The following PITPNM3 variants were observed in gnomAD, a reference collection of about 807,000 sequenced individuals.
PITPNM3 encodes the protein membrane-associated phosphatidylinositol transfer protein 3.
A neutral mutation model predicts 102.0 loss-of-function variants in PITPNM3; 26 were observed. That is an observed-to-expected ratio of 0.25 (90% CI 0.19 to 0.35). The LOEUF is 0.35. PITPNM3 is among the 10% of genes least tolerant of loss of function. PITPNM3 has a pLI of 1.00. For missense variants in PITPNM3, 1,083 were observed against 1,346.1 expected, an observed-to-expected ratio of 0.80 and a Z score of 3.06; for synonymous variants, 578 against 558.6, an observed-to-expected ratio of 1.03 and a Z score of -0.49.
intron 19 of PITPNM3, among the ~76,000 whole-genome samples, 163 bp from the exon 20 acceptor site, chr17:6,455,806 C>T (rs1274820326): frequency 2.6e-5 from 2 of 75,526 alleles, no homozygotes; most frequent in Non-Finnish European, 5.4e-5. Flanking sequence ...AGGCATCAGG[C>T]GGAGGGGTGG....
intron 1 of PITPNM3, among the ~76,000 whole-genome samples, chr17:6,542,983 C>T (rs550047185): frequency 6.6e-6 from 1 of 152,342 alleles, no homozygotes; most frequent in East Asian, 1.9e-4. Flanking sequence ...ACCTCAGTCT[C>T]CCAAAGTGCT....
At chr17:6,495,885 G>A (rs1481207846) in intron 4 of PITPNM3, among the ~76,000 whole-genome samples, 3 of 152,214 alleles carry the variant, frequency 2.0e-5, no homozygotes, top group Non-Finnish European at 4.4e-5. Context: ...ACTGTGCAGT[G>A]AGGTCTCTCT....
rs1395831911 is a variant in PITPNM3 at position 6,455,055 on chromosome 17, C to T, written c.*283G>A. The T allele has an allele frequency of 6.3e-6, 3 of 478,072 alleles. No individual in the cohort carries two copies. The highest frequency in any genetic ancestry group is 1.1e-5 in the Non-Finnish European group (3 of 273,720). The allele number at this position is 478,072 out of a possible 1,614,324, so 29.6% of individuals were successfully genotyped here. On this transcript the variant is annotated 3_prime_UTR_variant, in exon 20 of 20. Transcript: ENST00000262483. ...AACGCTTCAGCCCCGGGCAAGCCTG[C>T]CCCCAGGATGACACAAACATGAACC...
intron 19 of PITPNM3, among the ~76,000 whole-genome samples, chr17:6,456,149 G>A (rs185137278): frequency 1.4e-4 from 22 of 152,116 alleles, no homozygotes; most frequent in Non-Finnish European, 2.9e-4. Context: ...TCAGCCTCCC[G>A]AGTAACTGGG....
chr17:6,543,425 C>A (rs528077824), intron 1 of PITPNM3, among the ~76,000 whole-genome samples: 1 of 152,372 alleles, frequency 6.6e-6, no homozygotes, highest in East Asian at 1.9e-4. Context: ...GACCCCAAGG[C>A]AGCCCCAGCC....
At chr17:6,528,229 C>T (rs969117706) in intron 2 of PITPNM3, among the ~76,000 whole-genome samples, 4 of 152,144 alleles carry the variant, frequency 2.6e-5, no homozygotes, top group East Asian at 3.9e-4. Flanking sequence ...GGGTGGAACA[C>T]GTATGCATTG....
Position 6,457,072 on chromosome 17 carries a change from GC to G in PITPNM3, c.2619+521del, listed in dbSNP as rs58283124. On this transcript the variant is annotated intron_variant, in intron 19 of 19. Transcript: ENST00000262483. This position sits in a 1 kb window ranked among gnomAD's most constrained non-coding sequence, Gnocchi z 4.7. ...TGGCCGCACTGACCGTTCTAGCCCC[GC>G]CCCCCCACCTCCCAGCTCACGTCCC... 1.3e-5 allele frequency among the ~76,000 whole-genome samples: 2 copies of G among 149,710 alleles called. No homozygotes were observed. The highest frequency in any genetic ancestry group is 3.0e-5 in the Non-Finnish European group (2 of 67,550).
At chr17:6,485,284 G>A (rs998768923) in intron 4 of PITPNM3, among the ~76,000 whole-genome samples, 1 of 150,842 alleles carries the variant, frequency 6.6e-6, no homozygotes, top group Admixed American at 6.6e-5. Context: ...TCAGCCTCCC[G>A]AGTAGCTGGG....
rs1336375114 is a variant in PITPNM3, at chr17:6,461,567, G to A, written c.2307-11C>T. 1 of 1,613,882 alleles carries A rather than the reference G, an allele frequency of 6.2e-7. No individual in the cohort carries two copies. The highest frequency in any genetic ancestry group is 1.1e-5 in the South Asian group (1 of 91,086). ...AAGTCCTGCCAGTGCCTGGTGAGAT[G>A]GCATTAGAAGGGTCCAGCCCTGCCC... On this transcript the variant is annotated splice_polypyrimidine_tract_variant and intron_variant, in intron 17 of 19. Coordinates refer to ENST00000262483, the MANE Select transcript of PITPNM3 (RefSeq NM_031220.4).
At chr17:6,491,995 T>G (rs1444461396) in intron 4 of PITPNM3, among the ~76,000 whole-genome samples, 1 of 151,796 alleles carries the variant, frequency 6.6e-6, no homozygotes, top group African/African-American at 2.4e-5. Flanking sequence ...CATATTTCTT[T>G]TAGTTTAAAA....
At position 6,523,244 on chromosome 17, in the gene PITPNM3, T is replaced by C. The variant is rs576293273; in HGVS notation, c.226+2112A>G. 7.4e-4 allele frequency among the ~76,000 whole-genome samples: 113 copies of C among 152,372 alleles called. 1 individual carries two copies. Among genetic ancestry groups the C allele is most frequent in the African/African-American group, 2.6e-3 (109 of 41,588 alleles). On this transcript the variant is annotated intron_variant, in intron 3 of 19. Transcript: ENST00000262483. ...TCTCCCCCTTCCATCATTATAAGAA[T>C]GACCTGCTATCGAATGCACTTTGCA...
intron 14 of PITPNM3, among the ~76,000 whole-genome samples, chr17:6,465,497 C>CT (rs113744311): frequency 0.02 from 2,974 of 151,828 alleles, 117 homozygotes; most frequent in African/African-American, 0.067. Flanking sequence ...TACTATCTGT[C>CT]TTTTTTTTTA....
intron 1 of PITPNM3, among the ~76,000 whole-genome samples, chr17:6,547,212 A>G (rs356049): frequency 0.17 from 23,259 of 139,966 alleles, 1,857 homozygotes; most frequent in Middle Eastern, 0.24. Context: ...GGGTAAGGGG[A>G]GTCTCCAAGC....
At chr17:6,518,898 G>C (rs151150516) in intron 3 of PITPNM3, among the ~76,000 whole-genome samples, 1 of 152,316 alleles carries the variant, frequency 6.6e-6, no homozygotes, top group African/African-American at 2.4e-5. Flanking sequence ...TAAAACATTG[G>C]AACGTTTCCA....
chr17:6,549,945 A>G (rs1910222469), intron 1 of PITPNM3, among the ~76,000 whole-genome samples: 1 of 152,148 alleles, frequency 6.6e-6, no homozygotes, highest in Admixed American at 6.5e-5. Context: ...CAAGTCTGGG[A>G]GGATCAATGC....
At chr17:6,516,390 C>T (rs1908178440) in intron 3 of PITPNM3, among the ~76,000 whole-genome samples, 1 of 151,448 alleles carries the variant, frequency 6.6e-6, no homozygotes, top group Admixed American at 6.6e-5. Context: ...GGCGAAACCC[C>T]GTCTCTACTA....
chr17:6,496,006 G>A (rs1184369322), intron 4 of PITPNM3, among the ~76,000 whole-genome samples: 1 of 152,168 alleles, frequency 6.6e-6, no homozygotes, highest in Non-Finnish European at 1.5e-5. Flanking sequence ...GAGAACTGGG[G>A]CAAGGGAGCC....
chr17:6,476,815 G>A (rs1292285575), intron 9 of PITPNM3, among the ~76,000 whole-genome samples: 1 of 152,212 alleles, frequency 6.6e-6, no homozygotes, highest in Non-Finnish European at 1.5e-5. Flanking sequence ...GAGCAGGGCA[G>A]GGACAGGGAA....
intron 4 of PITPNM3, among the ~76,000 whole-genome samples, chr17:6,493,111 G>A (rs1374094473): frequency 1.3e-5 from 2 of 152,194 alleles, no homozygotes; most frequent in African/African-American, 2.4e-5. Flanking sequence ...CCTAGGTCAT[G>A]TGCCCAAGAT....
Sources: allele counts gnomAD v4.1 joint callset (sites outside exome capture counted in the v4.1 genomes callset), GRCh38; gene constraint gnomAD v4.1.1; non-coding constraint Gnocchi (gnomAD v3.1); transcripts MANE v1.5; gene names NCBI Gene and HGNC (gene_info 2026-07-23, HGNC 2026-07-21).